GOLGA4: variants seen among roughly 807,000 people sequenced by gnomAD.
GOLGA4 encodes the protein golgin A4.
A neutral mutation model predicts 265.9 loss-of-function variants in GOLGA4; 169 were observed. The ratio of observed to expected loss-of-function variants is 0.64; its 90% CI spans 0.56 to 0.72. GOLGA4 has a LOEUF of 0.72. Ranked by LOEUF, GOLGA4 falls within the 30% of genes least tolerant of loss-of-function variation. The probability of loss-of-function intolerance (pLI) is 0.00; values close to 1 mark genes in which losing one functional copy is unlikely to be tolerated. For missense variants in GOLGA4, 2,482 were observed against 2,483.4 expected, an observed-to-expected ratio of 1.00 and a Z score of 0.01; for synonymous variants, 923 against 855.8, an observed-to-expected ratio of 1.08 and a Z score of -1.37.
chr3:37,333,343 GTTTTTC>G (rs2096997788), intron 16 of GOLGA4, among the ~76,000 whole-genome samples: 1 of 151,924 alleles, frequency 6.6e-6, no homozygotes, highest in Non-Finnish European at 1.5e-5. Context: ...ATTCAACTTA[GTTTTTC>G]TTAGTGTTTT....
chr3:37,337,221 TCTGTTGCCCAGG>T lies in GOLGA4; in HGVS notation c.6327+74_6327+85del, dbSNP rs528075728. On this transcript the variant is annotated intron_variant, in intron 18 of 23. Transcript: ENST00000361924. ...TTTTTTCTTTGAGACAGATTCTCACTCTGTTGCCCAGGCTGTTGCCCAGGCTGGAGTGCAGTG... is the reference window on the plus strand; with the variant it reads ...TTTTTTCTTTGAGACAGATTCTCACTCTGTTGCCCAGGCTGGAGTGCAGTG... 1,312 of 932,296 alleles carry T rather than the reference TCTGTTGCCCAGG, an allele frequency of 1.4e-3. 27 individuals are homozygous for T. In the South Asian group the frequency reaches 0.017, roughly 12 times the overall value. The allele number at this position is 932,296 out of a possible 1,614,324, so 57.8% of individuals were successfully genotyped here. A position where few individuals can be genotyped will look rare whatever the true frequency, so the allele number is the denominator to read the frequency against.
chr3:37,291,604 T>C (rs1202091664), intron 5 of GOLGA4, among the ~76,000 whole-genome samples: 1 of 152,230 alleles, frequency 6.6e-6, no homozygotes, highest in Non-Finnish European at 1.5e-5. Context: ...AAAGCATGCC[T>C]TGTCATGCTT....
rs751879043 is a variant in GOLGA4, at chr3:37,324,188, A to G, written c.2302A>G (p.Arg768Gly). The G allele has an allele frequency of 1.9e-6, 3 of 1,614,152 alleles. No individual in the cohort carries two copies. Among genetic ancestry groups the G allele is most frequent in the Admixed American group, 1.7e-5 (1 of 60,008 alleles). The stretch of plus-strand genomic sequence containing the variant: ...TCAACTTGAGCTTCTCTTGAAGGAA[A>G]GGGACAAGCATTTGAAAGAGCATCA... ...INQLELLLKE[R>G]DKHLKEHQAH... is the part of the protein sequence containing the mutation. The change falls in exon 14 of 24, where the codon AGG becomes GGG. Residue 768 changes from arginine (R) to glycine (G), a missense_variant. Physicochemically the swap from Arg to Gly is moderately radical, Grantham distance 125. Coordinates refer to ENST00000361924, the MANE Select transcript of GOLGA4 (RefSeq NM_002078.5).
chr3:37,258,009 A>G (rs1388469583), intron 2 of GOLGA4, among the ~76,000 whole-genome samples: 3 of 72,564 alleles, frequency 4.1e-5, no homozygotes, highest in South Asian at 3.0e-4. Flanking sequence ...ATATATACAT[A>G]CATATATATA....
intron 5 of GOLGA4, among the ~76,000 whole-genome samples, chr3:37,294,066 T>G (rs1193830329): frequency 6.6e-6 from 1 of 152,228 alleles, no homozygotes; most frequent in African/African-American, 2.4e-5. Context: ...AACATTGTTA[T>G]GTGATATGTG....
intron 16 of GOLGA4, among the ~76,000 whole-genome samples, chr3:37,333,443 C>G (rs1035186662): frequency 6.6e-6 from 1 of 151,894 alleles, no homozygotes; most frequent in Admixed American, 6.6e-5. Context: ...ATAACTGTTC[C>G]TTAAATTAGA....
intron 10 of GOLGA4, among the ~76,000 whole-genome samples, chr3:37,303,668 T>C (rs983400026): frequency 6.6e-6 from 1 of 152,184 alleles, no homozygotes; most frequent in African/African-American, 2.4e-5. Context: ...TCGAAGCCTG[T>C]GGTTAAATCT....
intron 6 of GOLGA4, among the ~76,000 whole-genome samples, chr3:37,295,506 A>G (rs1191395728): frequency 1.3e-5 from 2 of 152,224 alleles, no homozygotes; most frequent in Admixed American, 1.3e-4. Context: ...GGCATGAGCC[A>G]CCACTCCTAG....
At chr3:37,317,124 T>C (rs951359683) in intron 11 of GOLGA4, among the ~76,000 whole-genome samples, 2 of 152,174 alleles carry the variant, frequency 1.3e-5, no homozygotes, top group Non-Finnish European at 1.5e-5. Flanking sequence ...TTGATAGATA[T>C]TTAGATTGTT....
chr3:37,320,740 A>G (rs969816948), intron 12 of GOLGA4, among the ~76,000 whole-genome samples: 1 of 152,208 alleles, frequency 6.6e-6, no homozygotes, highest in Admixed American at 6.5e-5. Flanking sequence ...TGCTGGGGTA[A>G]CTGACCTTTG....
At position 37,302,332 on chromosome 3, in the gene GOLGA4, G is replaced by A; in HGVS notation, c.1234G>A (p.Ala412Thr). Residue 412 changes from alanine (A) to threonine (T), a missense_variant and splice_region_variant, in exon 10 of 24, where the codon GCT (alanine) becomes ACT (threonine). Ala to Thr is a moderately conservative substitution (Grantham distance 58, BLOSUM62 0). Transcript: ENST00000361924. ...REQKEKSERAAFEELEKALST... is the reference protein window; with the variant it reads ...REQKEKSERATFEELEKALST... The stretch of plus-strand genomic sequence containing the variant: ...ACAGAAAGAAAAGTCCGAAAGAGCT[G>A]GTAAGAACTTGAGGGTTACTTGTTT... The A allele has an allele frequency of 6.2e-7, 1 of 1,611,748 alleles. No individual in the cohort carries two copies. Among genetic ancestry groups the A allele is most frequent in the Non-Finnish European group, 8.5e-7 (1 of 1,178,752 alleles).
chr3:37,290,763 G>A (rs2096862480), intron 5 of GOLGA4, among the ~76,000 whole-genome samples: 1 of 152,186 alleles, frequency 6.6e-6, no homozygotes, highest in Non-Finnish European at 1.5e-5. Context: ...AGAAAAGTAT[G>A]CATGGGGATT....
chr3:37,312,593 G>T (rs928514727), intron 10 of GOLGA4, among the ~76,000 whole-genome samples: 8 of 148,250 alleles, frequency 5.4e-5, no homozygotes, highest in Non-Finnish European at 1.2e-4. Flanking sequence ...CACAATCACT[G>T]CTCACTGAAG....
chr3:37,335,151 C>T lies in GOLGA4; in HGVS notation c.6291C>T (p.Asn2097=), dbSNP rs1419076231. 1 of 1,580,842 alleles carries T rather than the reference C, an allele frequency of 6.3e-7. No homozygotes were observed. Among genetic ancestry groups the T allele is most frequent in the African/African-American group, 1.3e-5 (1 of 74,354 alleles). ...AGCAAAAGCTAGAGCAGGAGGAGAA[C>T]CCTGGCAATGATAATGTGAGAGGAG... ...KYQQKLEQEE[N]PGNDNVTIME... The change falls in exon 17 of 24, where the codon AAC becomes AAT. Residue 2097 remains asparagine, a synonymous_variant. Transcript: ENST00000361924.
chr3:37,364,098 A>G (rs1022246655), intron 23 of GOLGA4, among the ~76,000 whole-genome samples: 1 of 152,226 alleles, frequency 6.6e-6, no homozygotes, highest in Admixed American at 6.5e-5. Flanking sequence ...GTTCATTTAC[A>G]AATTCAGAAG....
intron 11 of GOLGA4, among the ~76,000 whole-genome samples, chr3:37,316,162 C>T (rs1391922834): frequency 6.6e-6 from 1 of 151,580 alleles, no homozygotes; most frequent in Non-Finnish European, 1.5e-5. Flanking sequence ...ATGGCCCCTC[C>T]CTGCTCCCAG....
At chr3:37,320,820 A>G (rs2096952790) in intron 12 of GOLGA4, among the ~76,000 whole-genome samples, 1 of 152,150 alleles carries the variant, frequency 6.6e-6, no homozygotes, top group African/African-American at 2.4e-5. Context: ...AATTCAGTGG[A>G]CTATTAAAAT....
chr3:37,304,154 T>C (rs1346410159), intron 10 of GOLGA4, among the ~76,000 whole-genome samples: 1 of 152,186 alleles, frequency 6.6e-6, no homozygotes, highest in South Asian at 2.1e-4. Flanking sequence ...ATAAGATATG[T>C]TTCAAGAAAT....
chr3:37,290,293 A>G (rs2096861482), intron 5 of GOLGA4, among the ~76,000 whole-genome samples: 1 of 152,166 alleles, frequency 6.6e-6, no homozygotes, highest in Non-Finnish European at 1.5e-5. Context: ...CTTTGTTGTT[A>G]TTGTCAATGA....
Sources: gnomAD v4.1 joint callset for allele counts (sites outside exome capture counted in the v4.1 genomes callset) on GRCh38, gnomAD v4.1.1 for gene constraint, MANE v1.5 for transcripts, NCBI Gene and HGNC (gene_info 2026-07-23, HGNC 2026-07-21) for gene names.